Variants in SHANK2 observed in about 807,000 individuals in gnomAD.
The protein encoded by SHANK2 is SH3 and multiple ankyrin repeat domains protein 2.
SHANK2 carries 43 observed loss-of-function variants against 133.7 expected under a neutral mutation model. That is an observed-to-expected ratio of 0.32 (90% confidence interval 0.25 to 0.41). The LOEUF is 0.41. Among genes scored for constraint, SHANK2 ranks in the 10% least tolerant of loss-of-function variants. The probability of loss-of-function intolerance (pLI) is 1.00; values close to 1 mark genes in which losing one functional copy is unlikely to be tolerated. For synonymous variants in SHANK2, 1,017 were observed against 952.8 expected, an observed-to-expected ratio of 1.07 and a Z score of -1.24; for missense variants, 1,994 against 2,235.8, an observed-to-expected ratio of 0.89 and a Z score of 2.18.
intron 2 of SHANK2, among the ~76,000 whole-genome samples, chr11:71,192,502 G>A (rs1203488122): frequency 2.0e-5 from 3 of 152,106 alleles, no homozygotes; most frequent in African/African-American, 7.2e-5. Context: ...TCCTGAATGG[G>A]GCAGGATGAC....
intron 8 of SHANK2, among the ~76,000 whole-genome samples, chr11:71,075,827 A>C (rs1291090499): frequency 6.6e-6 from 1 of 152,210 alleles, no homozygotes; most frequent in East Asian, 1.9e-4. Context: ...AAGTTGCAGG[A>C]CGCAGGGGTA....
chr11:70,818,256 GCA>G (rs1392710614), intron 12 of SHANK2, among the ~76,000 whole-genome samples: 4 of 152,054 alleles, frequency 2.6e-5, no homozygotes, highest in Non-Finnish European at 5.9e-5. Flanking sequence ...ACAGGCAAAT[GCA>G]CACAGACCAA....
rs914117052 is a variant in SHANK2, at chr11:71,067,756, G to A, written c.1029+7403C>T. Among the ~76,000 whole-genome samples the A allele has an allele frequency of 6.6e-5, 10 of 151,160 alleles. No homozygotes were observed. In the East Asian group the frequency reaches 7.8e-4, roughly 12 times the overall value. On this transcript the variant is annotated intron_variant, in intron 9 of 25. Transcript: ENST00000601538. ...TGAGACCATCGTCACTATCACCGTC[G>A]CCACCATCACCATCACTGCCATCAT... is the stretch of plus-strand genomic sequence containing the variant.
chr11:71,125,741 A>G (rs1464729611), intron 3 of SHANK2, among the ~76,000 whole-genome samples: 9 of 152,248 alleles, frequency 5.9e-5, no homozygotes, highest in African/African-American at 1.7e-4. Context: ...CAATGTAGAC[A>G]AGACGGTCTT....
chr11:71,156,603 T>C (rs1290182540), intron 2 of SHANK2, among the ~76,000 whole-genome samples: 3 of 152,320 alleles, frequency 2.0e-5, no homozygotes, highest in African/African-American at 7.2e-5. Flanking sequence ...TCCTAAGCTG[T>C]GCCTCCTGAC....
intron 15 of SHANK2, among the ~76,000 whole-genome samples, chr11:70,679,713 C>A (rs782452440): frequency 1.3e-5 from 2 of 152,212 alleles, no homozygotes; most frequent in Non-Finnish European, 2.9e-5. Flanking sequence ...CGGTGTCTGG[C>A]GCATTTTGGG....
At chr11:70,950,456 G>T (rs1555086299) in intron 10 of SHANK2, among the ~76,000 whole-genome samples, 1 of 152,196 alleles carries the variant, frequency 6.6e-6, no homozygotes, top group East Asian at 1.9e-4. Context: ...CCCCCAAAGT[G>T]CTGGGATTAC....
intron 25 of SHANK2, among the ~76,000 whole-genome samples, chr11:70,475,949 C>A (rs1192832532): frequency 2.0e-5 from 3 of 152,104 alleles, no homozygotes; most frequent in African/African-American, 7.2e-5. Context: ...AGGCTGCACA[C>A]GGTGGCTCAC....
rs1830149158 is a variant in SHANK2, at chr11:70,470,285, T to C, written c.*2584A>G. 1 of 152,338 alleles carries C rather than the reference T, an allele frequency of 6.6e-6. No homozygotes were observed. The allele number at this position is 152,338 out of a possible 1,614,324, so 9.4% of individuals were successfully genotyped here. A position where few individuals can be genotyped will look rare whatever the true frequency, so the allele number is the denominator to read the frequency against. ...AAGACAGTGTAAAAATAAACTATGT[T>C]ATCAGCTCTTTAGTCTTGCAGCCAG... is the stretch of plus-strand genomic sequence containing the variant. On this transcript the variant is annotated 3_prime_UTR_variant, in exon 26 of 26. Transcript: ENST00000601538.
In SHANK2 at chr11:71,141,113, C is replaced by T. The variant is rs4460834; in HGVS notation, c.207+6007G>A. Among the ~76,000 whole-genome samples the T allele has an allele frequency of 7.8e-3, 1,189 of 152,330 alleles. 23 individuals are homozygous for T. The highest frequency in any genetic ancestry group is 0.027 in the African/African-American group (1,131 of 41,580). On this transcript the variant is annotated intron_variant, in intron 3 of 25. Coordinates refer to ENST00000601538, the MANE Select transcript of SHANK2 (RefSeq NM_012309.5). ...CAGTGGGGCTCCCGGGGCTGGCTGG[C>T]GTCCTACGCCTTCCTCCACCTGCAG...
At chr11:71,128,456 G>A (rs756475036) in intron 3 of SHANK2, among the ~76,000 whole-genome samples, 2 of 152,164 alleles carry the variant, frequency 1.3e-5, no homozygotes, top group Admixed American at 6.5e-5. Context: ...ATGAGACCTG[G>A]GTGGTGATGG....
chr11:70,487,397 G>C lies in SHANK2; in HGVS notation c.2896C>G (p.Leu966Val). Residue 966 changes from leucine (L) to valine (V), a missense_variant, in exon 25 of 26, where the codon CTC becomes GTC. Leu to Val is a conservative substitution (Grantham distance 32, BLOSUM62 1). Coordinates refer to ENST00000601538, the MANE Select transcript of SHANK2 (RefSeq NM_012309.5). The surrounding 1 kb of genome is among the most constrained non-coding windows in gnomAD (Gnocchi z 5.8). ...TGCGGGCCGGCATTCCGACTGTAGA[G>C]GTCTTCAGAGTCCAAGGAGTAGCGG... Reference protein sequence around the residue: ...LDRYSLDSEDLYSRNAGPQAN... With the variant: ...LDRYSLDSEDVYSRNAGPQAN... 6.2e-7 allele frequency: 1 copy of C among 1,614,170 alleles called. No homozygotes were observed. The highest frequency in any genetic ancestry group is 8.5e-7 in the Non-Finnish European group (1 of 1,180,038).
chr11:71,181,392 G>A (rs1590994833), intron 2 of SHANK2, among the ~76,000 whole-genome samples: 1 of 152,126 alleles, frequency 6.6e-6, no homozygotes, highest in African/African-American at 2.4e-5. Flanking sequence ...CCAGCTGCTT[G>A]GGAGGGAGGG....
At chr11:70,654,810 C>T (rs1393445693) in intron 17 of SHANK2, among the ~76,000 whole-genome samples, 2 of 151,424 alleles carry the variant, frequency 1.3e-5, no homozygotes, top group Non-Finnish European at 2.9e-5. Context: ...CTCTGTCACC[C>T]AGGCTGGAGT....
intron 17 of SHANK2, among the ~76,000 whole-genome samples, chr11:70,625,172 A>C (rs1361689452): frequency 6.6e-6 from 1 of 152,196 alleles, no homozygotes; most frequent in African/African-American, 2.4e-5. Context: ...AGGAGGGTCC[A>C]GACATGGGGT....
intron 14 of SHANK2, among the ~76,000 whole-genome samples, chr11:70,730,306 C>T (rs1555031810): frequency 1.3e-5 from 2 of 152,132 alleles, no homozygotes; most frequent in African/African-American, 4.8e-5. Flanking sequence ...TCCTTGCCTT[C>T]TCCACTCCTG....
In SHANK2 at chr11:70,486,417, G is replaced by A. The variant is rs782093832; in HGVS notation, c.3876C>T (p.Gly1292=). ...YETDLGRDRK[G]DDKKNMLIDI... is the part of the protein sequence containing the mutation. ...CGATCAGCATGTTCTTCTTGTCATC[G>A]CCTTTCCGGTCTCGGCCCAGGTCGG... Residue 1292 remains glycine (G), a synonymous_variant, in exon 25 of 26, where the codon GGC becomes GGT. Transcript: ENST00000601538. This position sits in a 1 kb window ranked among gnomAD's most constrained non-coding sequence, Gnocchi z 8.0. 2.5e-6 allele frequency: 4 copies of A among 1,613,976 alleles called. No homozygotes were observed. The African/African-American group carries it at 4.0e-5, about 16-fold the overall frequency.
chr11:70,896,527 A>T lies in SHANK2; in HGVS notation c.1148T>A (p.Ile383Asn). 1.4e-6 allele frequency: 1 copy of T among 718,858 alleles called. No individual in the cohort carries two copies. The highest frequency in any genetic ancestry group is 2.6e-6 in the Non-Finnish European group (1 of 385,008). 44.5% of individuals were successfully genotyped at this position (718,858 alleles called of 1,614,324 possible). Residue 383 changes from isoleucine (I) to asparagine (N), a missense_variant, in exon 11 of 26, where the codon ATC becomes AAC. This residue lies in a region of SHANK2 where 653 missense variants were observed against 563.4 expected (regional missense o/e 1.16). Coordinates refer to ENST00000601538, the MANE Select transcript of SHANK2 (RefSeq NM_012309.5). ...IAGNFELAEY[I>N]KNHKETDIVP... ...AATGTCTGTTTCCTTGTGGTTCTTG[A>T]TGTATTCTGCCAGCTCAAAGTTGCC...
chr11:70,504,214 A>C (rs1199281020), intron 17 of SHANK2, among the ~76,000 whole-genome samples: 1 of 152,178 alleles, frequency 6.6e-6, no homozygotes, highest in Non-Finnish European at 1.5e-5. Context: ...TTCAAAAACT[A>C]AACATCTGGT....
Sources: allele counts gnomAD v4.1 joint callset (sites outside exome capture counted in the v4.1 genomes callset), GRCh38; gene constraint gnomAD v4.1.1; regional missense constraint gnomAD v4.1.1; non-coding constraint Gnocchi (gnomAD v3.1); transcripts MANE v1.5; gene names NCBI Gene and HGNC (gene_info 2026-07-23, HGNC 2026-07-21).